Variants in MCPH1 observed in about 807,000 individuals in gnomAD.
MCPH1 encodes the protein microcephalin 1.
A neutral mutation model predicts 84.5 loss-of-function variants in MCPH1; 104 were observed. The ratio of observed to expected loss-of-function variants is 1.23; its 90% CI spans 1.05 to 1.45. The LOEUF is 1.45. Ranked by LOEUF, MCPH1 falls within the 40% of genes most tolerant of loss-of-function variation. The pLI, the probability that MCPH1 is intolerant of heterozygous loss-of-function variation, is 0.00. For synonymous variants in MCPH1, 514 were observed against 366.8 expected (o/e 1.40, Z -4.58); for missense variants, 1,498 against 1,005.7 (o/e 1.49, Z -6.62).
intron 4 of MCPH1, among the ~76,000 whole-genome samples, chr8:6,435,075 G>A (rs1168339590): frequency 2.6e-5 from 4 of 152,170 alleles, no homozygotes; most frequent in Non-Finnish European, 5.9e-5. Context: ...CCTTCCTGTG[G>A]ATATCAGCCT....
intron 12 of MCPH1, among the ~76,000 whole-genome samples, chr8:6,524,171 G>T (rs1046701734): frequency 1.3e-5 from 2 of 152,112 alleles, no homozygotes; most frequent in Non-Finnish European, 2.9e-5. Context: ...GCAGAGTTTT[G>T]TTTTAAAGGA....
intron 12 of MCPH1, among the ~76,000 whole-genome samples, chr8:6,606,890 CA>C (rs1563180671): frequency 1.3e-5 from 2 of 152,218 alleles, no homozygotes; most frequent in East Asian, 3.8e-4. Flanking sequence ...TGTTTGCCAC[CA>C]TGTGAGATGT....
At chr8:6,584,760 C>G (rs1310704984) in intron 12 of MCPH1, among the ~76,000 whole-genome samples, 1 of 152,222 alleles carries the variant, frequency 6.6e-6, no homozygotes, top group Non-Finnish European at 1.5e-5. Flanking sequence ...CAAATGCAGT[C>G]ATCATCTGAC....
chr8:6,497,649 G>A (rs146636866), intron 11 of MCPH1, among the ~76,000 whole-genome samples: 57 of 152,306 alleles, frequency 3.7e-4, no homozygotes, highest in Non-Finnish European at 6.6e-4. Flanking sequence ...GTGAACACGG[G>A]ATGACTGGGT....
intron 12 of MCPH1, among the ~76,000 whole-genome samples, chr8:6,539,949 T>G (rs977228977): frequency 9.2e-5 from 14 of 152,198 alleles, no homozygotes; most frequent in African/African-American, 3.4e-4. Flanking sequence ...TTTCCTACTT[T>G]CGCTAGTATA....
At chr8:6,498,051 G>A (rs1305664628) in intron 11 of MCPH1, among the ~76,000 whole-genome samples, 1 of 152,174 alleles carries the variant, frequency 6.6e-6, no homozygotes, top group Non-Finnish European at 1.5e-5. Context: ...CAGAAAGGAA[G>A]AAATAAAGCA....
intron 12 of MCPH1, chr8:6,532,416 C>A: frequency 6.2e-7 from 1 of 1,614,120 alleles, no homozygotes. Flanking sequence ...TCACAGCCGT[C>A]TGGTTCTGTA....
intron 9 of MCPH1, among the ~76,000 whole-genome samples, chr8:6,457,356 G>T (rs1234350884): frequency 2.0e-5 from 3 of 152,168 alleles, no homozygotes; most frequent in South Asian, 2.1e-4. Flanking sequence ...ACTTTGGGGC[G>T]GGCGGATCAC....
chr8:6,409,357 A>G lies in MCPH1; in HGVS notation c.101A>G (p.Asp34Gly), dbSNP rs371161847. ...YSKTFTTQLV[D>G]MGAKVSKTFN... ...AAGACATTTACAACACAGCTTGTGG[A>G]TATGGGGGCAAAGGTAAGACACTTA... The change falls in exon 2 of 14, where the codon GAT becomes GGT. Residue 34 changes from aspartate (D) to glycine (G), a missense_variant. Coordinates refer to ENST00000344683, the MANE Select transcript of MCPH1 (RefSeq NM_024596.5). 9 of 1,613,178 alleles carry G rather than the reference A, an allele frequency of 5.6e-6. No homozygotes were observed. The highest frequency in any genetic ancestry group is 6.8e-6 in the Non-Finnish European group (8 of 1,179,184).
chr8:6,424,246 C>CT (rs1800711359), intron 3 of MCPH1, among the ~76,000 whole-genome samples: 1 of 152,202 alleles, frequency 6.6e-6, no homozygotes, highest in African/African-American at 2.4e-5. Context: ...GGCCCCCACT[C>CT]TAAGTTCTGT....
At position 6,600,902 on chromosome 8, in the gene MCPH1, C is replaced by T. The variant is rs148910003; in HGVS notation, c.2215-20552C>T. Among the ~76,000 whole-genome samples, 516 of 152,240 alleles carry T rather than the reference C, an allele frequency of 3.4e-3. 3 individuals are homozygous for T. The highest frequency in any genetic ancestry group is 0.012 in the African/African-American group (487 of 41,524). ...CTGGACAGACATCTCACCCAGGAGA[C>T]GGGAGCATGGTACTTAACACACTTC... On this transcript the variant is annotated intron_variant, in intron 12 of 13. Transcript: ENST00000344683.
chr8:6,437,032 C>T (rs1042027876), intron 5 of MCPH1, among the ~76,000 whole-genome samples: 5 of 152,018 alleles, frequency 3.3e-5, no homozygotes, highest in Non-Finnish European at 7.4e-5. Flanking sequence ...TTCTGTTTTG[C>T]CTTTTTCACT....
intron 12 of MCPH1, chr8:6,519,730 C>T: frequency 9.1e-7 from 1 of 1,101,464 alleles, no homozygotes. Context: ...GAGGTAGCTG[C>T]CCAGTAACTA....
chr8:6,406,939 C>A, intron 1 of MCPH1: 1 of 540,042 alleles, frequency 1.9e-6, no homozygotes, highest in Non-Finnish European at 3.3e-6. Flanking sequence ...CCCGTGCTCC[C>A]TGTCCCCCCA....
intron 13 of MCPH1, among the ~76,000 whole-genome samples, chr8:6,623,718 AC>A (rs1225428146): frequency 0.087 from 478 of 5,470 alleles, 124 homozygotes; most frequent in Middle Eastern, 0.12. Flanking sequence ...AAAAAAAAAA[AC>A]TATTGATTTT....
intron 13 of MCPH1, among the ~76,000 whole-genome samples, chr8:6,624,331 TTG>T (rs1375759022): frequency 6.6e-6 from 1 of 152,246 alleles, no homozygotes; most frequent in East Asian, 1.9e-4. Flanking sequence ...CATCTGGGTA[TTG>T]TGTGTGCTGC....
intron 12 of MCPH1, among the ~76,000 whole-genome samples, chr8:6,570,847 G>A (rs187722092): frequency 2.1e-3 from 276 of 129,560 alleles, no homozygotes; most frequent in Admixed American, 4.2e-3. Context: ...AGAGATTCCC[G>A]AATCTTTCAC....
intron 10 of MCPH1, 134 bp from the exon 11 acceptor site, chr8:6,480,580 A>G: frequency 1.2e-6 from 1 of 864,120 alleles, no homozygotes; most frequent in Non-Finnish European, 2.0e-6. Flanking sequence ...CAGTTAAGAT[A>G]TACGTACCAT....
In MCPH1 at chr8:6,641,541, C is replaced by T. The variant is rs139173895; in HGVS notation, c.2453-1453C>T. Among the ~76,000 whole-genome samples, 20 of 152,208 alleles carry T rather than the reference C, an allele frequency of 1.3e-4. No homozygotes were observed. In the East Asian group the frequency reaches 3.1e-3, roughly 23 times the overall value. On this transcript the variant is annotated intron_variant, in intron 13 of 13. Transcript: ENST00000344683. ...GGAAGATTGCTTGAGCCCAGGAGTT[C>T]GAGATCAGCCTGGGCAACAAAGTGA...
Sources: gnomAD v4.1 joint callset for allele counts (sites outside exome capture counted in the v4.1 genomes callset) on GRCh38, gnomAD v4.1.1 for gene constraint, MANE v1.5 for transcripts, NCBI Gene and HGNC (gene_info 2026-07-23, HGNC 2026-07-21) for gene names.